PRKCQ: variants seen among roughly 807,000 people sequenced by gnomAD.
PRKCQ encodes protein kinase C theta type.
A neutral mutation model predicts 91.2 loss-of-function variants in PRKCQ; 41 were observed. The observed-to-expected ratio is 0.45, with a 90% CI of 0.35 to 0.58. The LOEUF is 0.58. PRKCQ is among the 20% of genes least tolerant of loss of function. The pLI, the probability that PRKCQ is intolerant of heterozygous loss-of-function variation, is 0.00. For missense variants in PRKCQ, 673 were observed against 896.5 expected, an observed-to-expected ratio of 0.75 and a Z score of 3.18; for synonymous variants, 307 against 316.9, an observed-to-expected ratio of 0.97 and a Z score of 0.33.
the PRKCQ span, among the ~76,000 whole-genome samples, chr10:6,397,754 T>A: frequency 6.6e-6 from 1 of 152,064 alleles, no homozygotes; most frequent in Non-Finnish European, 1.5e-5. Flanking sequence ...TGAACCCTCA[T>A]CTCTACTAAA....
chr10:6,572,895 C>T (rs918223150), intron 1 of PRKCQ, among the ~76,000 whole-genome samples: 1 of 151,936 alleles, frequency 6.6e-6, no homozygotes. Context: ...TTGCCAGCAC[C>T]TGTTGTTTCT....
At chr10:6,568,405 A>G (rs554774242) in intron 1 of PRKCQ, among the ~76,000 whole-genome samples, 12 of 151,740 alleles carry the variant, frequency 7.9e-5, no homozygotes, top group African/African-American at 2.7e-4. Flanking sequence ...CTATGTCTAC[A>G]TTTTATGTTT....
At chr10:6,498,253 A>C in intron 5 of PRKCQ, 143 bp downstream of exon 5, 1 of 1,061,636 alleles carries the variant, frequency 9.4e-7, no homozygotes, top group South Asian at 1.6e-5. Flanking sequence ...GAACCTTCTC[A>C]GTTCAGGCAA....
the PRKCQ span, among the ~76,000 whole-genome samples, chr10:6,396,338 T>C: frequency 0.97 from 148,251 of 152,286 alleles, 72,276 homozygotes; most frequent in East Asian, 1. Flanking sequence ...TTCAATGCTT[T>C]TCATATATTT....
intron 1 of PRKCQ, among the ~76,000 whole-genome samples, chr10:6,573,856 T>A (rs1305949229): frequency 1.3e-5 from 2 of 152,198 alleles, no homozygotes; most frequent in Admixed American, 1.3e-4. Context: ...GTGGCTCATG[T>A]CTTTAATCTC....
intron 1 of PRKCQ, among the ~76,000 whole-genome samples, chr10:6,558,872 A>G (rs1401596346): frequency 2.0e-5 from 3 of 152,208 alleles, no homozygotes; most frequent in Non-Finnish European, 4.4e-5. Context: ...AACTTCATTC[A>G]GAGCTGAACT....
intron 4 of PRKCQ, among the ~76,000 whole-genome samples, chr10:6,501,789 AC>A (rs1195716498): frequency 1.3e-5 from 2 of 151,964 alleles, no homozygotes; most frequent in Non-Finnish European, 2.9e-5. Flanking sequence ...GCACCATTGC[AC>A]TCCAGCCTGG....
chr10:6,442,172 G>T, intron 15 of PRKCQ, 91 bp from the exon 16 acceptor site: 2 of 1,264,172 alleles, frequency 1.6e-6, no homozygotes, highest in Non-Finnish European at 2.2e-6. Context: ...CTCAGTAAAT[G>T]GTCGAGGATG....
chr10:6,538,372 T>C (rs1186865637), intron 1 of PRKCQ, among the ~76,000 whole-genome samples: 1 of 152,240 alleles, frequency 6.6e-6, no homozygotes, highest in Non-Finnish European at 1.5e-5. Context: ...AGTTTTGTAC[T>C]GGAGGCATTC....
chr10:6,459,936 T>C (rs561908985), intron 14 of PRKCQ, among the ~76,000 whole-genome samples: 13 of 152,372 alleles, frequency 8.5e-5, no homozygotes, highest in African/African-American at 3.1e-4. Flanking sequence ...AAGAAAGAAA[T>C]GAATTGAATC....
chr10:6,495,492 C>T (rs921758372), intron 7 of PRKCQ, among the ~76,000 whole-genome samples: 3 of 152,224 alleles, frequency 2.0e-5, no homozygotes, highest in Non-Finnish European at 4.4e-5. Context: ...ATGTTCCCTC[C>T]GTTGGGGAGA....
At chr10:6,442,179 GA>G in intron 15 of PRKCQ, 98 bp from the exon 16 acceptor site, 1 of 1,200,412 alleles carries the variant, frequency 8.3e-7, no homozygotes. Flanking sequence ...AATGGTCGAG[GA>G]TGATGGTGTG....
chr10:6,578,626 T>C (rs1841331229), intron 1 of PRKCQ, among the ~76,000 whole-genome samples: 2 of 152,206 alleles, frequency 1.3e-5, no homozygotes, highest in African/African-American at 4.8e-5. Flanking sequence ...TAAATATATG[T>C]ATGTTCAATC....
At chr10:6,407,470 A>AGTGT in the PRKCQ span, among the ~76,000 whole-genome samples, 8,644 of 148,930 alleles carry the variant, frequency 0.058, 319 homozygotes, top group South Asian at 0.14. This position sits in a 1 kb window ranked among gnomAD's most constrained non-coding sequence, Gnocchi z 4.0. Context: ...GTACATGTTC[A>AGTGT]GTGTGTGTGT....
At chr10:6,473,149 A>G (rs527683011) in intron 12 of PRKCQ, among the ~76,000 whole-genome samples, 1 of 152,314 alleles carries the variant, frequency 6.6e-6, no homozygotes, top group African/African-American at 2.4e-5. Flanking sequence ...CCCTTTCCCA[A>G]AAAGAAACAC....
At chr10:6,565,201 C>T (rs1840796668) in intron 1 of PRKCQ, among the ~76,000 whole-genome samples, 1 of 152,192 alleles carries the variant, frequency 6.6e-6, no homozygotes, top group South Asian at 2.1e-4. Context: ...TAGCACAGTA[C>T]TTGAATAAAT....
chr10:6,400,804 G>A, the PRKCQ span, among the ~76,000 whole-genome samples: 37 of 151,398 alleles, frequency 2.4e-4, no homozygotes, highest in African/African-American at 9.0e-4. Context: ...CTTGAGCCCA[G>A]GGGTTCAAAT....
chr10:6,489,105 T>C (rs1435550433), intron 8 of PRKCQ, among the ~76,000 whole-genome samples: 2 of 150,568 alleles, frequency 1.3e-5, no homozygotes, highest in South Asian at 4.2e-4. Flanking sequence ...TAGAAAGGAT[T>C]TTTTTTTTTC....
chr10:6,408,389 C>T, the PRKCQ span, among the ~76,000 whole-genome samples: 4 of 152,182 alleles, frequency 2.6e-5, no homozygotes, highest in African/African-American at 7.2e-5. Flanking sequence ...TGGAGTCTCA[C>T]TCTTGTCGCC....
Sources: gnomAD v4.1 joint callset for allele counts (sites outside exome capture counted in the v4.1 genomes callset) on GRCh38, gnomAD v4.1.1 for gene constraint, Gnocchi (gnomAD v3.1) non-coding constraint, MANE v1.5 for transcripts, NCBI Gene and HGNC (gene_info 2026-07-23, HGNC 2026-07-21) for gene names.